The following SV2B variants were observed in gnomAD, a reference collection of about 807,000 sequenced individuals.
The protein encoded by SV2B is synaptic vesicle glycoprotein 2B.
A neutral mutation model predicts 73.9 loss-of-function variants in SV2B; 41 were observed. The ratio of observed to expected loss-of-function variants is 0.56; its 90% CI spans 0.43 to 0.72. The LOEUF (loss-of-function observed/expected upper bound fraction) is 0.72. Among genes scored for constraint, SV2B ranks in the 30% least tolerant of loss-of-function variants. The pLI is 0.00. For missense variants in SV2B, 764 were observed against 857.8 expected (o/e 0.89, Z 1.37); for synonymous variants, 314 against 314.2 (o/e 1.00, Z 0.01).
chr15:91,253,254 A>G lies in SV2B; in HGVS notation c.784+734A>G, dbSNP rs1018515614. On this transcript the variant is annotated intron_variant, in intron 4 of 12. Coordinates refer to ENST00000394232, the MANE Select transcript of SV2B (RefSeq NM_001323032.3). This position sits in a 1 kb window ranked among gnomAD's most constrained non-coding sequence, Gnocchi z 5.0. Reference sequence around the variant, plus strand: ...AGTAATACTATCATCATCATTCAAAATCATTTTTGGTAAATCACTGATTAT... The same window carrying G: ...AGTAATACTATCATCATCATTCAAAGTCATTTTTGGTAAATCACTGATTAT... 6.6e-6 allele frequency among the ~76,000 whole-genome samples: 1 copy of G among 152,192 alleles called. No homozygotes were observed. Among genetic ancestry groups the G allele is most frequent in the Admixed American group, 6.5e-5 (1 of 15,278 alleles).
At chr15:91,202,046 T>C (rs1567339959) in intron 1 of SV2B, among the ~76,000 whole-genome samples, 1 of 152,208 alleles carries the variant, frequency 6.6e-6, no homozygotes, top group African/African-American at 2.4e-5. Flanking sequence ...TTTCTTCAAA[T>C]ATCTGCATGG....
chr15:91,171,142 C>A (rs1356270893), intron 1 of SV2B, among the ~76,000 whole-genome samples: 1 of 152,060 alleles, frequency 6.6e-6, no homozygotes, highest in African/African-American at 2.4e-5. Flanking sequence ...AACTATTATG[C>A]TATGGAAAAG....
rs1169940789 is a variant in SV2B at position 91,158,691 on chromosome 15, CT to C, written c.-392+58330del. On this transcript the variant is annotated intron_variant, in intron 1 of 12. Transcript: ENST00000394232. ...CTTCTCTTCTCTTCTCTTCTCTTCT[CT>C]TCTCTTCTCTCCTCTCCTCTCCTCT... Among the ~76,000 whole-genome samples the C allele has an allele frequency of 1.0e-3, 88 of 84,368 alleles. 2 individuals are homozygous for C. The highest frequency in any genetic ancestry group is 2.7e-3 in the African/African-American group (60 of 22,480). 55.3% of individuals were successfully genotyped at this position (84,368 alleles called of 152,430 possible). A position where few individuals can be genotyped will look rare whatever the true frequency, so the allele number is the denominator to read the frequency against.
At chr15:91,203,488 A>G (rs1045016154) in intron 1 of SV2B, among the ~76,000 whole-genome samples, 5 of 152,280 alleles carry the variant, frequency 3.3e-5, no homozygotes, top group Admixed American at 2.0e-4. Context: ...AAATAACTGT[A>G]AAAGTTAACA....
intron 9 of SV2B, among the ~76,000 whole-genome samples, chr15:91,279,951 C>G (rs965742983): frequency 2.6e-5 from 4 of 152,082 alleles, no homozygotes; most frequent in Non-Finnish European, 4.4e-5. Flanking sequence ...CAAATTTGGC[C>G]CTAAGAAAAA....
intron 1 of SV2B, among the ~76,000 whole-genome samples, chr15:91,156,262 T>C (rs1352343620): frequency 6.6e-6 from 1 of 152,160 alleles, no homozygotes; most frequent in Non-Finnish European, 1.5e-5. Flanking sequence ...GATAGGCTTC[T>C]TTCCTTCCTT....
chr15:91,252,081 C>T lies in SV2B; in HGVS notation c.632+82C>T. On this transcript the variant is annotated intron_variant, in intron 3 of 12. Coordinates refer to ENST00000394232, the MANE Select transcript of SV2B (RefSeq NM_001323032.3). The surrounding 1 kb of genome is among the most constrained non-coding windows in gnomAD (Gnocchi z 4.6). Reference sequence around the variant, plus strand: ...GGTATTCTAGCTCCAAGAGGTAACTCTAGAAACCCTTGGACTGACTGAGTT... The same window carrying T: ...GGTATTCTAGCTCCAAGAGGTAACTTTAGAAACCCTTGGACTGACTGAGTT... 1 of 1,526,900 alleles carries T rather than the reference C, an allele frequency of 6.5e-7. No individual in the cohort carries two copies. Among genetic ancestry groups the T allele is most frequent in the South Asian group, 1.3e-5 (1 of 79,472 alleles). 94.6% of individuals were successfully genotyped at this position (1,526,900 alleles called of 1,614,324 possible). A position where few individuals can be genotyped will look rare whatever the true frequency, so the allele number is the denominator to read the frequency against.
intron 2 of SV2B, among the ~76,000 whole-genome samples, chr15:91,247,930 C>CT (rs1159304868): frequency 2.0e-5 from 3 of 152,216 alleles, no homozygotes; most frequent in Non-Finnish European, 2.9e-5. Flanking sequence ...TTAGAAGCCA[C>CT]TTTTTTGTTA....
chr15:91,181,670 A>G (rs186157577), intron 1 of SV2B, among the ~76,000 whole-genome samples: 117 of 152,168 alleles, frequency 7.7e-4, no homozygotes, highest in African/African-American at 2.7e-3. Flanking sequence ...GACTCACTCA[A>G]TTAACCAATT....
intron 2 of SV2B, among the ~76,000 whole-genome samples, chr15:91,249,078 A>T (rs993570217): frequency 7.5e-6 from 1 of 133,758 alleles, no homozygotes; most frequent in South Asian, 2.4e-4. Context: ...TCACACACAC[A>T]CACACACACA....
chr15:91,202,530 TA>T (rs1348459278), intron 1 of SV2B, among the ~76,000 whole-genome samples: 8 of 152,192 alleles, frequency 5.3e-5, no homozygotes, highest in African/African-American at 1.9e-4. Context: ...TCTTTATCTG[TA>T]AAATGAAGAT....
At chr15:91,260,230 C>A in intron 5 of SV2B, 90 bp from the exon 6 acceptor site, 2 of 1,128,158 alleles carry the variant, frequency 1.8e-6, no homozygotes, top group Non-Finnish European at 2.5e-6. Flanking sequence ...TATCAACATT[C>A]CCATTGAGTT....
At chr15:91,154,385 G>C (rs1314948264) in intron 1 of SV2B, among the ~76,000 whole-genome samples, 5 of 152,052 alleles carry the variant, frequency 3.3e-5, no homozygotes, top group Non-Finnish European at 2.9e-5. Flanking sequence ...CTTAGGGTCA[G>C]GGGTCCAGGA....
At chr15:91,151,773 A>C (rs553431461) in intron 1 of SV2B, among the ~76,000 whole-genome samples, 10 of 152,274 alleles carry the variant, frequency 6.6e-5, no homozygotes, top group African/African-American at 2.4e-4. Flanking sequence ...GCTGGAAATC[A>C]AAGCTGCTTC....
Position 91,136,437 on chromosome 15 carries a change from C to T in SV2B, c.-392+36074C>T, listed in dbSNP as rs943597031. 6.6e-6 allele frequency among the ~76,000 whole-genome samples: 1 copy of T among 152,180 alleles called. No individual in the cohort carries two copies. Among genetic ancestry groups the T allele is most frequent in the Non-Finnish European group, 1.5e-5 (1 of 68,032 alleles). ...GAGAGAGAACCTTTATTTACCCGTG[C>T]CCATCCAGCTAGTGGAGAACCAGTG... On this transcript the variant is annotated intron_variant, in intron 1 of 12. Coordinates refer to ENST00000394232, the MANE Select transcript of SV2B (RefSeq NM_001323032.3). The surrounding 1 kb of genome is among the most constrained non-coding windows in gnomAD (Gnocchi z 5.6).
chr15:91,117,730 T>C (rs955127179), intron 1 of SV2B, among the ~76,000 whole-genome samples: 8 of 152,178 alleles, frequency 5.3e-5, no homozygotes, highest in African/African-American at 1.9e-4. Flanking sequence ...CCCAAACCCA[T>C]GTCAGTAAAG....
At position 91,139,718 on chromosome 15, in the gene SV2B, G is replaced by A. The variant is rs1169259429; in HGVS notation, c.-392+39355G>A. ...CCTACGGATTAGGGTTAAGCAAATA[G>A]GAGCAAACATTAGGGTGACTGTAAC... is the stretch of plus-strand genomic sequence containing the variant. On this transcript the variant is annotated intron_variant, in intron 1 of 12. Coordinates refer to ENST00000394232, the MANE Select transcript of SV2B (RefSeq NM_001323032.3). This position sits in a 1 kb window ranked among gnomAD's most constrained non-coding sequence, Gnocchi z 5.2. Among the ~76,000 whole-genome samples, 1 of 152,174 alleles carries A rather than the reference G, an allele frequency of 6.6e-6. No homozygotes were observed. Among genetic ancestry groups the A allele is most frequent in the South Asian group, 2.1e-4 (1 of 4,834 alleles).
At chr15:91,168,001 G>A (rs946892753) in intron 1 of SV2B, among the ~76,000 whole-genome samples, 1 of 152,038 alleles carries the variant, frequency 6.6e-6, no homozygotes, top group Admixed American at 6.6e-5. Context: ...CCCCAGATGT[G>A]CCACTCGGGG....
intron 1 of SV2B, among the ~76,000 whole-genome samples, chr15:91,154,984 T>C (rs1176374260): frequency 6.6e-6 from 1 of 152,174 alleles, no homozygotes; most frequent in Non-Finnish European, 1.5e-5. Context: ...ACGAGTGGAC[T>C]GAGGTCTCTG....
Sources: allele counts gnomAD v4.1 joint callset (sites outside exome capture counted in the v4.1 genomes callset), GRCh38; gene constraint gnomAD v4.1.1; non-coding constraint Gnocchi (gnomAD v3.1); transcripts MANE v1.5; gene names NCBI Gene and HGNC (gene_info 2026-07-23, HGNC 2026-07-21).